Variants in SRPK2 observed in about 807,000 individuals in gnomAD.
SRPK2 encodes SRSF protein kinase 2, also known as SFRS protein kinase 2.
In SRPK2, 21 loss-of-function variants were observed where a neutral mutation model predicts 90.8. The observed-to-expected ratio is 0.23, with a 90% confidence interval of 0.16 to 0.33. The LOEUF (loss-of-function observed/expected upper bound fraction) is 0.33, where lower values mean the gene tolerates loss of function less well. Ranked by LOEUF, SRPK2 falls within the 10% of genes least tolerant of loss-of-function variation. SRPK2 has a pLI of 1.00. For missense variants in SRPK2, 620 were observed against 869.0 expected, an observed-to-expected ratio of 0.71 and a Z score of 3.60; for synonymous variants, 288 against 311.1, an observed-to-expected ratio of 0.93 and a Z score of 0.78.
intron 2 of SRPK2, among the ~76,000 whole-genome samples, chr7:105,294,978 A>G (rs1809593150): frequency 6.6e-6 from 1 of 152,156 alleles, no homozygotes; most frequent in Admixed American, 6.5e-5. Context: ...TGGGAAACCG[A>G]GGCAGGTGGA....
intron 2 of SRPK2, among the ~76,000 whole-genome samples, chr7:105,215,788 C>G (rs1019853277): frequency 2.0e-5 from 3 of 152,020 alleles, no homozygotes; most frequent in African/African-American, 4.8e-5. Context: ...ATAGACAAAT[C>G]TATAGAAACA....
intron 2 of SRPK2, among the ~76,000 whole-genome samples, chr7:105,271,019 T>A (rs1453257942): frequency 6.6e-6 from 1 of 152,172 alleles, no homozygotes; most frequent in Non-Finnish European, 1.5e-5. Context: ...CATCCCCATT[T>A]TTATCACTGT....
chr7:105,251,704 T>A (rs1344348815), intron 2 of SRPK2, among the ~76,000 whole-genome samples: 1 of 152,246 alleles, frequency 6.6e-6, no homozygotes, highest in Non-Finnish European at 1.5e-5. Flanking sequence ...AGGAAAAAGA[T>A]GTCCTTTTTG....
intron 15 of SRPK2, among the ~76,000 whole-genome samples, chr7:105,121,436 G>GC (rs1800368511): frequency 6.6e-6 from 1 of 151,492 alleles, no homozygotes; most frequent in Admixed American, 6.6e-5. Flanking sequence ...AACAAGTTTT[G>GC]CAAATAACTA....
intron 1 of SRPK2, among the ~76,000 whole-genome samples, chr7:105,395,585 C>G (rs932196918): frequency 2.6e-5 from 4 of 151,952 alleles, no homozygotes; most frequent in Admixed American, 2.6e-4. Flanking sequence ...CAAAAATTAG[C>G]GGGGTATGGT....
At chr7:105,124,730 G>T (rs1423921283) in intron 15 of SRPK2, among the ~76,000 whole-genome samples, 1 of 149,062 alleles carries the variant, frequency 6.7e-6, no homozygotes, top group African/African-American at 2.5e-5. Context: ...ATTTCTAAAA[G>T]TCCATGTCCT....
intron 6 of SRPK2, among the ~76,000 whole-genome samples, chr7:105,162,778 A>G (rs1807876987): frequency 6.6e-6 from 1 of 152,240 alleles, no homozygotes; most frequent in Non-Finnish European, 1.5e-5. Context: ...GTCTTCTCAA[A>G]GCACTGGCAT....
At chr7:105,121,705 C>T (rs1800408623) in intron 15 of SRPK2, among the ~76,000 whole-genome samples, 1 of 152,222 alleles carries the variant, frequency 6.6e-6, no homozygotes, top group African/African-American at 2.4e-5. Context: ...AAGGGTTCCT[C>T]CTGCAGAGTA....
intron 3 of SRPK2, among the ~76,000 whole-genome samples, chr7:105,181,943 A>C (rs1585084008): frequency 6.6e-6 from 1 of 151,200 alleles, no homozygotes; most frequent in Non-Finnish European, 1.5e-5. Context: ...AATTCAACTG[A>C]GATGGCCAGG....
chr7:105,251,555 T>C (rs941733897), intron 2 of SRPK2, among the ~76,000 whole-genome samples: 9 of 152,178 alleles, frequency 5.9e-5, no homozygotes, highest in African/African-American at 2.2e-4. Flanking sequence ...ACAAAAATTC[T>C]TTCCTCTAAG....
intron 11 of SRPK2, among the ~76,000 whole-genome samples, chr7:105,141,322 T>C (rs753171205): frequency 1.3e-5 from 2 of 151,788 alleles, no homozygotes; most frequent in Non-Finnish European, 2.9e-5. Flanking sequence ...CAGAGGGAGG[T>C]TTCAGAGCTT....
At chr7:105,226,013 G>A (rs1798662319) in intron 2 of SRPK2, among the ~76,000 whole-genome samples, 1 of 152,174 alleles carries the variant, frequency 6.6e-6, no homozygotes, top group Non-Finnish European at 1.5e-5. Flanking sequence ...GCTGCTTAGA[G>A]TTTAAAAGCT....
chr7:105,203,642 G>C lies in SRPK2; in HGVS notation c.215C>G (p.Ala72Gly). Residue 72 changes from alanine to glycine, a missense_variant, in exon 3 of 16, where the codon GCG becomes GGG. Physicochemically the swap from Ala to Gly is moderately conservative, Grantham distance 60. This residue lies in a region of SRPK2 where 196 missense variants were observed against 339.2 expected (regional missense o/e 0.58). Coordinates refer to ENST00000393651, the MANE Select transcript of SRPK2 (RefSeq NM_182692.3). ...TGGCACATCACCTTTGCAGTAGTCC[G>C]CAGGGTCCTCTTGCTCCTCATCATC... is the stretch of plus-strand genomic sequence containing the variant. ...GSDDEEQEDP[A>G]DYCKGGYHPV... 6.6e-7 allele frequency: 1 copy of C among 1,525,122 alleles called. No individual in the cohort carries two copies. The highest frequency in any genetic ancestry group is 8.8e-7 in the Non-Finnish European group (1 of 1,141,596). 94.5% of individuals were successfully genotyped at this position (1,525,122 alleles called of 1,614,324 possible).
At chr7:105,358,186 T>G in intron 2 of SRPK2, among the ~76,000 whole-genome samples, 1 of 130,642 alleles carries the variant, frequency 7.7e-6, no homozygotes, top group East Asian at 2.2e-4. Flanking sequence ...ATCACGCCAC[T>G]GCACTCCAGC....
At position 105,398,352 on chromosome 7, in the gene SRPK2, G is replaced by A. The variant is rs572261892; in HGVS notation, n.153+804C>T. On this transcript the variant is annotated intron_variant and non_coding_transcript_variant, in intron 1 of 3. Transcript: ENST00000462282. ...ACGGGAAGTCATATCACCCGTCTTGGGGCCTTTAATGGATGAAAACCCAGC... is the reference window on the plus strand; with the variant it reads ...ACGGGAAGTCATATCACCCGTCTTGAGGCCTTTAATGGATGAAAACCCAGC... 2.6e-5 allele frequency among the ~76,000 whole-genome samples: 4 copies of A among 151,920 alleles called. No individual in the cohort carries two copies. The East Asian group carries it at 5.8e-4, about 22-fold the overall frequency.
At chr7:105,188,769 AAG>A (rs1793904908) in intron 3 of SRPK2, among the ~76,000 whole-genome samples, 1 of 152,220 alleles carries the variant, frequency 6.6e-6, no homozygotes. Flanking sequence ...TGGGAAATAA[AAG>A]AGAAAAGATA....
chr7:105,258,598 C>G (rs1272065426), intron 2 of SRPK2, among the ~76,000 whole-genome samples: 1 of 152,010 alleles, frequency 6.6e-6, no homozygotes, highest in Non-Finnish European at 1.5e-5. Flanking sequence ...GTATTTTAGG[C>G]CAATATCCAC....
chr7:105,240,837 T>C (rs2129623711), intron 2 of SRPK2, among the ~76,000 whole-genome samples: 1 of 152,288 alleles, frequency 6.6e-6, no homozygotes, highest in East Asian at 1.9e-4. Context: ...AAAATACTCG[T>C]CCAGTATGTA....
At chr7:105,311,959 C>A (rs78242390) in intron 2 of SRPK2, among the ~76,000 whole-genome samples, 5,214 of 152,128 alleles carry the variant, frequency 0.034, 312 homozygotes, top group African/African-American at 0.12. Context: ...AATCCAAATG[C>A]CATCAATGGG....
Sources: gnomAD v4.1 joint callset for allele counts (sites outside exome capture counted in the v4.1 genomes callset) on GRCh38, gnomAD v4.1.1 for gene constraint, gnomAD v4.1.1 regional missense constraint, MANE v1.5 for transcripts, NCBI Gene and HGNC (gene_info 2026-07-23, HGNC 2026-07-21) for gene names.